The following LRRC4C variants were observed in gnomAD, a reference collection of about 807,000 sequenced individuals.
The protein encoded by LRRC4C is leucine rich repeat containing 4C.
LRRC4C carries 5 observed loss-of-function variants against 33.6 expected under a neutral mutation model. That is an observed-to-expected ratio of 0.15 (90% CI 0.08 to 0.31). LRRC4C has a LOEUF of 0.31. Ranked by LOEUF, LRRC4C falls within the 10% of genes least tolerant of loss-of-function variation. The pLI is 1.00. For synonymous variants in LRRC4C, 329 were observed against 302.0 expected (o/e 1.09, Z -0.93); for missense variants, 560 against 796.7 (o/e 0.70, Z 3.58).
chr11:40,651,259 C>G (rs193027412), intron 2 of LRRC4C, among the ~76,000 whole-genome samples: 37 of 151,982 alleles, frequency 2.4e-4, no homozygotes, highest in African/African-American at 8.7e-4. Context: ...ATGTGTAAGT[C>G]TAGAGGGAAG....
In LRRC4C at chr11:40,256,379, G is replaced by A. The variant is rs192890549; in HGVS notation, c.-175-14781C>T. 3.5e-4 allele frequency among the ~76,000 whole-genome samples: 53 copies of A among 152,252 alleles called. No homozygotes were observed. The East Asian group carries it at 5.2e-3, about 15-fold the overall frequency. ...GATGACAATCCTACAGGGTTGTGGG[G>A]AGTGTTGGGAAGAATATATGTAAAA... On this transcript the variant is annotated intron_variant, in intron 4 of 6. Transcript: ENST00000528697.
chr11:40,772,052 C>G (rs750739563), intron 2 of LRRC4C, among the ~76,000 whole-genome samples: 1 of 152,150 alleles, frequency 6.6e-6, no homozygotes, highest in Non-Finnish European at 1.5e-5. Context: ...ACTTCTTGTA[C>G]CGATTTACTG....
At chr11:40,135,114 A>G (rs991390354) in intron 6 of LRRC4C, among the ~76,000 whole-genome samples, 1 of 152,220 alleles carries the variant, frequency 6.6e-6, no homozygotes, top group African/African-American at 2.4e-5. Flanking sequence ...CACTGTTAAC[A>G]TTGTATAATG....
At chr11:41,036,787 T>G (rs1168659511) in intron 1 of LRRC4C, among the ~76,000 whole-genome samples, 1 of 152,180 alleles carries the variant, frequency 6.6e-6, no homozygotes, top group Non-Finnish European at 1.5e-5. Context: ...GTATCACACG[T>G]ATATATTCAA....
intron 1 of LRRC4C, among the ~76,000 whole-genome samples, chr11:41,408,758 A>C (rs1954342761): frequency 6.6e-6 from 1 of 150,734 alleles, no homozygotes. Context: ...AAAAAAAAAA[A>C]AAAAAAAAAC....
chr11:41,309,436 C>T (rs546824494), intron 1 of LRRC4C, among the ~76,000 whole-genome samples: 19 of 152,254 alleles, frequency 1.2e-4, no homozygotes, highest in South Asian at 6.2e-4. Flanking sequence ...TGAGTACTTT[C>T]GGAATTACAT....
chr11:40,411,171 C>A (rs1950142817), intron 3 of LRRC4C, among the ~76,000 whole-genome samples: 1 of 151,998 alleles, frequency 6.6e-6, no homozygotes, highest in African/African-American at 2.4e-5. Flanking sequence ...TTTGAATATA[C>A]ACTTTTTGAA....
rs973687152 is a variant in LRRC4C, at chr11:41,388,572, T to C, written c.-496+70859A>G. Among the ~76,000 whole-genome samples, 13 of 152,012 alleles carry C rather than the reference T, an allele frequency of 8.6e-5. No homozygotes were observed. In the East Asian group the frequency reaches 1.4e-3, roughly 16 times the overall value. On this transcript the variant is annotated intron_variant, in intron 1 of 6. Transcript: ENST00000528697. Reference sequence around the variant, plus strand: ...AAGGAAGATTTATGAGTTTGCTATGTTTGAACTGTGCCTTGAAGAATCAGT... The same window carrying C: ...AAGGAAGATTTATGAGTTTGCTATGCTTGAACTGTGCCTTGAAGAATCAGT...
chr11:40,788,211 T>C (rs1046230654), intron 2 of LRRC4C, among the ~76,000 whole-genome samples: 1 of 152,170 alleles, frequency 6.6e-6, no homozygotes, highest in Non-Finnish European at 1.5e-5. Context: ...TGCTTCCCCA[T>C]GGTCATTCTC....
intron 1 of LRRC4C, among the ~76,000 whole-genome samples, chr11:41,451,895 T>G (rs942658018): frequency 1.3e-5 from 2 of 152,072 alleles, no homozygotes; most frequent in African/African-American, 4.8e-5. Flanking sequence ...TTTCCTTGTA[T>G]GTATCTGTAT....
chr11:41,244,950 C>T (rs1432807067), intron 1 of LRRC4C, among the ~76,000 whole-genome samples: 1 of 152,126 alleles, frequency 6.6e-6, no homozygotes, highest in Admixed American at 6.6e-5. Context: ...GCCTACATCA[C>T]CTGTTAGGTC....
intron 1 of LRRC4C, among the ~76,000 whole-genome samples, chr11:41,422,905 G>T (rs1282765872): frequency 6.6e-6 from 1 of 151,946 alleles, no homozygotes; most frequent in Non-Finnish European, 1.5e-5. Flanking sequence ...AATGCCAGTG[G>T]GTGAATGATT....
chr11:41,057,524 C>T (rs1858717918), intron 1 of LRRC4C, among the ~76,000 whole-genome samples: 2 of 152,194 alleles, frequency 1.3e-5, no homozygotes, highest in African/African-American at 4.8e-5. Flanking sequence ...GCCAGGCTGC[C>T]AGTCCCACAG....
chr11:40,609,371 G>C (rs1186922375), intron 3 of LRRC4C, among the ~76,000 whole-genome samples: 1 of 151,850 alleles, frequency 6.6e-6, no homozygotes, highest in African/African-American at 2.4e-5. Context: ...GAGACAAATA[G>C]AAACCTAATA....
At chr11:40,343,399 A>T (rs775104740) in intron 3 of LRRC4C, among the ~76,000 whole-genome samples, 1 of 152,058 alleles carries the variant, frequency 6.6e-6, no homozygotes, top group Non-Finnish European at 1.5e-5. Context: ...AATATGCAGG[A>T]TTGTTTTTTA....
In LRRC4C at chr11:40,584,313, T is replaced by A. The variant is rs368857536; in HGVS notation, c.-270+63829A>T. On this transcript the variant is annotated intron_variant, in intron 3 of 6. Transcript: ENST00000528697. Reference sequence around the variant, plus strand: ...CCAGATGCCAGTAGAACACTCCCCCTCAGTCATGATAATAAAAAATGTCTT... The same window carrying A: ...CCAGATGCCAGTAGAACACTCCCCCACAGTCATGATAATAAAAAATGTCTT... Among the ~76,000 whole-genome samples the A allele has an allele frequency of 1.6e-3, 235 of 150,404 alleles. 1 individual carries two copies. Among genetic ancestry groups the A allele is most frequent in the African/African-American group, 3.8e-3 (156 of 40,966 alleles).
At chr11:40,648,852 GA>G (rs2136133308) in intron 2 of LRRC4C, among the ~76,000 whole-genome samples, 1 of 152,256 alleles carries the variant, frequency 6.6e-6, no homozygotes, top group South Asian at 2.1e-4. Context: ...TAAAGAGAAA[GA>G]GTACAAAGAG....
At chr11:40,372,236 A>C (rs1948481303) in intron 3 of LRRC4C, among the ~76,000 whole-genome samples, 1 of 152,186 alleles carries the variant, frequency 6.6e-6, no homozygotes, top group Admixed American at 6.5e-5. Flanking sequence ...CATGGAGGAT[A>C]ATGGTGAAGG....
At chr11:40,970,522 T>G (rs918647121) in intron 1 of LRRC4C, among the ~76,000 whole-genome samples, 8 of 143,648 alleles carry the variant, frequency 5.6e-5, no homozygotes, top group Non-Finnish European at 1.2e-4. Flanking sequence ...CCCAGTCTCA[T>G]GTATTTCTTC....
Sources: gnomAD v4.1 joint callset for allele counts (sites outside exome capture counted in the v4.1 genomes callset) on GRCh38, gnomAD v4.1.1 for gene constraint, MANE v1.5 for transcripts, NCBI Gene and HGNC (gene_info 2026-07-23, HGNC 2026-07-21) for gene names.